DDX19A: variants seen among roughly 807,000 people sequenced by gnomAD.
The protein encoded by DDX19A is ATP-dependent RNA helicase DDX19A.
In DDX19A, 12 loss-of-function variants were observed where a neutral mutation model predicts 60.6. That is an observed-to-expected ratio of 0.20 (90% CI 0.13 to 0.32). DDX19A has a LOEUF of 0.32. Among genes scored for constraint, DDX19A ranks in the 10% least tolerant of loss-of-function variants. The probability of loss-of-function intolerance (pLI) is 1.00; values close to 1 mark genes in which losing one functional copy is unlikely to be tolerated. For missense variants in DDX19A, 337 were observed against 600.6 expected (o/e 0.56, Z 4.59); for synonymous variants, 206 against 218.2 (o/e 0.94, Z 0.49).
intron 4 of DDX19A, among the ~76,000 whole-genome samples, chr16:70,358,743 A>AG (rs370249108): frequency 7.2e-5 from 11 of 152,204 alleles, no homozygotes; most frequent in African/African-American, 2.4e-4. Context: ...GCTACTCAGG[A>AG]GGCTGAGGTA....
intron 3 of DDX19A, 43 bp from the exon 4 acceptor site, chr16:70,356,069 T>G (rs778257881): frequency 3.1e-6 from 5 of 1,609,892 alleles, no homozygotes. Context: ...AAGCCTGGGG[T>G]TTGCCAGATG....
intron 11 of DDX19A, 55 bp from the exon 12 acceptor site, chr16:70,371,870 C>G (rs1433259115): frequency 3.7e-6 from 6 of 1,613,574 alleles, no homozygotes; most frequent in African/African-American, 1.3e-5. Flanking sequence ...ATTGCTGTGG[C>G]CTGAGGTGGG....
intron 1 of DDX19A, 48 bp from the exon 2 acceptor site, chr16:70,350,509 T>C: frequency 6.8e-7 from 1 of 1,480,720 alleles, no homozygotes; most frequent in Non-Finnish European, 9.3e-7. Context: ...GGGACCTTCC[T>C]TTTATTGGGT....
At chr16:70,361,228 A>G (rs1964355871) in intron 4 of DDX19A, among the ~76,000 whole-genome samples, 190 bp from the exon 5 acceptor site, 1 of 152,206 alleles carries the variant, frequency 6.6e-6, no homozygotes, top group African/African-American at 2.4e-5. Flanking sequence ...GCAGATTAAG[A>G]TTCCTTAGGG....
At chr16:70,351,112 G>C (rs1218628580) in intron 2 of DDX19A, among the ~76,000 whole-genome samples, 1 of 151,008 alleles carries the variant, frequency 6.6e-6, no homozygotes, top group Non-Finnish European at 1.5e-5. Flanking sequence ...TTGATCTCCT[G>C]TCCTCGTGAT....
At position 70,372,594 on chromosome 16, in the gene DDX19A, C is replaced by G. The variant is rs2047293344; in HGVS notation, c.*608C>G. 1 of 154,136 alleles carries G rather than the reference C, an allele frequency of 6.5e-6. No individual in the cohort carries two copies. Among genetic ancestry groups the G allele is most frequent in the African/African-American group, 2.4e-5 (1 of 41,480 alleles). The allele number at this position is 154,136 out of a possible 1,614,324, so 9.5% of individuals were successfully genotyped here. On this transcript the variant is annotated 3_prime_UTR_variant, in exon 12 of 12. Coordinates refer to ENST00000302243, the MANE Select transcript of DDX19A (RefSeq NM_018332.5). ...AGACTTGCATATCCCTGATGAGCAG[C>G]TCGGCTACTTTTGTAAACTTCAGAT... is the stretch of plus-strand genomic sequence containing the variant.
Position 70,372,050 on chromosome 16 carries a change from A to G in DDX19A, c.*64A>G. On this transcript the variant is annotated 3_prime_UTR_variant, in exon 12 of 12. Transcript: ENST00000302243. ...CCCTGCACAGGAGACAAGTGCATTTAGGGCACAGGCCCCGACATCACCCCA... is the reference window on the plus strand; with the variant it reads ...CCCTGCACAGGAGACAAGTGCATTTGGGGCACAGGCCCCGACATCACCCCA... 1 of 1,612,778 alleles carries G rather than the reference A, an allele frequency of 6.2e-7. No homozygotes were observed.
Position 70,371,450 on chromosome 16 carries a change from C to A in DDX19A, c.1262C>A (p.Thr421Asn), listed in dbSNP as rs761471443. The A allele has an allele frequency of 6.2e-7, 1 of 1,612,428 alleles. No homozygotes were observed. The highest frequency in any genetic ancestry group is 2.2e-5 in the East Asian group (1 of 44,858). Residue 421 changes from threonine (T) to asparagine (N), a missense_variant, in exon 11 of 12, where the codon ACC (threonine) becomes AAC (asparagine). Coordinates refer to ENST00000302243, the MANE Select transcript of DDX19A (RefSeq NM_018332.5). Reference protein sequence around the residue: ...VDKDGNPDNETYLHRIGRTGR... With the variant: ...VDKDGNPDNENYLHRIGRTGR... ...AAGGACGGGAATCCTGACAATGAGACCTACCTGCACCGGATCGGGCGCACG... is the reference window on the plus strand; with the variant it reads ...AAGGACGGGAATCCTGACAATGAGAACTACCTGCACCGGATCGGGCGCACG...
intron 2 of DDX19A, 47 bp from the exon 3 acceptor site, chr16:70,355,438 G>C: frequency 3.0e-6 from 4 of 1,325,530 alleles, no homozygotes; most frequent in Non-Finnish European, 4.3e-6. Context: ...ATTTTTGGTG[G>C]TTCTCATATT....
intron 4 of DDX19A, chr16:70,356,916 T>C: frequency 8.5e-7 from 1 of 1,171,028 alleles, no homozygotes. Context: ...GGTAAGCCCT[T>C]AAGTGAGAAC....
Position 70,347,016 on chromosome 16 carries a change from G to A in DDX19A, c.25G>A (p.Ala9Thr). 6.2e-7 allele frequency: 1 copy of A among 1,612,862 alleles called. No homozygotes were observed. Among genetic ancestry groups the A allele is most frequent in the Non-Finnish European group, 8.5e-7 (1 of 1,179,850 alleles). Residue 9 changes from alanine (A) to threonine (T), a missense_variant, in exon 1 of 12, where the codon GCG becomes ACG. This residue lies in a region of DDX19A where 127 missense variants were observed against 160.3 expected (regional missense o/e 0.79). Coordinates refer to ENST00000302243, the MANE Select transcript of DDX19A (RefSeq NM_018332.5). MATDSWAL[A>T]VDEQEAAVKS... is the part of the protein sequence containing the mutation. ...TATGGCCACCGACTCGTGGGCCCTG[G>A]CGGTGGACGAGCAGGAAGCGGCTGT...
In DDX19A at chr16:70,363,079, T is replaced by A. The variant is rs562725001; in HGVS notation, c.387-1464T>A. 3.0e-4 allele frequency among the ~76,000 whole-genome samples: 45 copies of A among 151,954 alleles called. No individual in the cohort carries two copies. In the South Asian group the frequency reaches 3.8e-3, roughly 13 times the overall value. On this transcript the variant is annotated intron_variant, in intron 5 of 11. Transcript: ENST00000302243. ...GTTGCCAGGGCTGGTCTCAAACTCC[T>A]GGCCTCAAGTGATTCTCCAGCCTCA...
chr16:70,356,546 C>CG (rs1300239207), intron 4 of DDX19A, among the ~76,000 whole-genome samples: 1 of 151,718 alleles, frequency 6.6e-6, no homozygotes, highest in Non-Finnish European at 1.5e-5. Flanking sequence ...TTAGTAGAGA[C>CG]GGGGTTTCAC....
chr16:70,357,270 A>AATATATAT, intron 4 of DDX19A, among the ~76,000 whole-genome samples: 1 of 123,030 alleles, frequency 8.1e-6, no homozygotes, highest in South Asian at 2.4e-4. Context: ...AAAAAAAAAA[A>AATATATAT]ATATATATAT....
intron 1 of DDX19A, chr16:70,347,270 C>A: frequency 3.5e-6 from 2 of 579,484 alleles, no homozygotes; most frequent in Non-Finnish European, 6.2e-6. Context: ...TTTGGTAAAT[C>A]CGCCCCACTA....
At chr16:70,348,626 C>CAAAAAA (rs1244983371) in intron 1 of DDX19A, among the ~76,000 whole-genome samples, 1 of 34,880 alleles carries the variant, frequency 2.9e-5, no homozygotes. Flanking sequence ...GACTCTGTCT[C>CAAAAAA]AAAAAAAAAA....
chr16:70,359,410 A>G (rs973900906), intron 4 of DDX19A, among the ~76,000 whole-genome samples: 12 of 152,228 alleles, frequency 7.9e-5, no homozygotes, highest in Non-Finnish European at 1.5e-4. Context: ...AACTCCAAGG[A>G]AGGCTTAGAG....
intron 1 of DDX19A, among the ~76,000 whole-genome samples, chr16:70,348,413 G>A (rs193186681): frequency 6.6e-6 from 1 of 151,878 alleles, no homozygotes; most frequent in Non-Finnish European, 1.5e-5. Flanking sequence ...ATCACTCGAG[G>A]TCAAGAGTTT....
At position 70,364,526 on chromosome 16, in the gene DDX19A, GTTC is replaced by G. The variant is rs751160553; in HGVS notation, c.387-13_387-11del. The G allele has an allele frequency of 1.3e-6, 2 of 1,588,500 alleles. No individual in the cohort carries two copies. The highest frequency in any genetic ancestry group is 3.4e-5 in the Admixed American group (2 of 59,420). On this transcript the variant is annotated splice_polypyrimidine_tract_variant and intron_variant, in intron 5 of 11. Transcript: ENST00000302243. ...TTTCACCAATTTAAGTTTCATTTCT[GTTC>G]TTCCTTGATCCAGCCCACAGAATCT...
Sources: gnomAD v4.1 joint callset for allele counts (sites outside exome capture counted in the v4.1 genomes callset) on GRCh38, gnomAD v4.1.1 for gene constraint, gnomAD v4.1.1 regional missense constraint, MANE v1.5 for transcripts, NCBI Gene and HGNC (gene_info 2026-07-23, HGNC 2026-07-21) for gene names.